Variants in DCBLD2 observed in about 807,000 individuals in gnomAD.
DCBLD2 encodes the protein discoidin, CUB and LCCL domain-containing protein 2.
In DCBLD2, 54 loss-of-function variants were observed where a neutral mutation model predicts 86.8. The ratio of observed to expected loss-of-function variants is 0.62; its 90% confidence interval spans 0.50 to 0.78. The LOEUF (loss-of-function observed/expected upper bound fraction) is 0.78, where lower values mean the gene tolerates loss of function less well. Ranked by LOEUF, DCBLD2 falls within the 30% of genes least tolerant of loss-of-function variation. The pLI is 0.00. For synonymous variants in DCBLD2, 354 were observed against 341.3 expected (o/e 1.04, Z -0.41); for missense variants, 908 against 954.2 (o/e 0.95, Z 0.64).
intron 1 of DCBLD2, among the ~76,000 whole-genome samples, chr3:98,895,833 A>C (rs1197402538): frequency 1.3e-5 from 2 of 152,092 alleles, no homozygotes; most frequent in African/African-American, 2.4e-5. Flanking sequence ...ACAATGTTTT[A>C]CTCTTCTCTG....
At chr3:98,867,817 T>G (rs1417121552) in intron 2 of DCBLD2, among the ~76,000 whole-genome samples, 1 of 151,950 alleles carries the variant, frequency 6.6e-6, no homozygotes, top group Non-Finnish European at 1.5e-5. Flanking sequence ...GTTTTTTTTT[T>G]TTTGAGACGG....
intron 3 of DCBLD2, among the ~76,000 whole-genome samples, chr3:98,847,035 A>G (rs1942739231): frequency 6.6e-6 from 1 of 152,212 alleles, no homozygotes; most frequent in African/African-American, 2.4e-5. Context: ...CCTCTCACCT[A>G]TCAACCCAAG....
At chr3:98,865,366 T>G (rs147341223) in intron 2 of DCBLD2, among the ~76,000 whole-genome samples, 10 of 151,918 alleles carry the variant, frequency 6.6e-5, no homozygotes, top group African/African-American at 2.2e-4. Flanking sequence ...AAGCAAGGCA[T>G]AGAAAGACAA....
chr3:98,800,831 CA>C, intron 14 of DCBLD2, 115 bp from the exon 15 acceptor site: 3 of 1,364,354 alleles, frequency 2.2e-6, no homozygotes, highest in Non-Finnish European at 3.0e-6. Flanking sequence ...AATATCTCTA[CA>C]AACTTGCCTT....
chr3:98,822,629 G>C (rs1202342610), intron 5 of DCBLD2, 40 bp downstream of exon 5: 1 of 1,519,446 alleles, frequency 6.6e-7, no homozygotes, highest in Non-Finnish European at 8.9e-7. Flanking sequence ...AAAAAATAGA[G>C]TTATATCACA....
At chr3:98,821,838 G>T (rs1559774037) in intron 6 of DCBLD2, among the ~76,000 whole-genome samples, 2 of 152,052 alleles carry the variant, frequency 1.3e-5, no homozygotes, top group South Asian at 4.1e-4. Flanking sequence ...ACGAGGTCAG[G>T]AGTTCGAGAG....
intron 2 of DCBLD2, among the ~76,000 whole-genome samples, chr3:98,865,453 G>C (rs766602384): frequency 1.3e-5 from 2 of 152,144 alleles, no homozygotes; most frequent in Admixed American, 6.6e-5. Context: ...CGGGTTGAAG[G>C]GGGAGTTGGA....
intron 2 of DCBLD2, among the ~76,000 whole-genome samples, chr3:98,853,760 G>T (rs190175116): frequency 6.6e-6 from 1 of 152,320 alleles, no homozygotes; most frequent in East Asian, 1.9e-4. Flanking sequence ...CGAAACTTGA[G>T]AAATCTTATT....
At chr3:98,900,589 T>C (rs1042370242) in intron 1 of DCBLD2, 7 of 156,656 alleles carry the variant, frequency 4.5e-5, no homozygotes, top group Admixed American at 4.3e-4. Context: ...ACCAAGGCAG[T>C]CTAGACCACC....
intron 3 of DCBLD2, among the ~76,000 whole-genome samples, chr3:98,827,887 C>G (rs1436262943): frequency 6.6e-6 from 1 of 152,154 alleles, no homozygotes; most frequent in African/African-American, 2.4e-5. Flanking sequence ...TCATCATAAT[C>G]AAAGGAACAG....
At chr3:98,896,311 G>C (rs1423458530) in intron 1 of DCBLD2, among the ~76,000 whole-genome samples, 1 of 152,102 alleles carries the variant, frequency 6.6e-6, no homozygotes, top group Non-Finnish European at 1.5e-5. Flanking sequence ...TGAAAAATTA[G>C]CCTGATATTT....
chr3:98,880,868 C>T (rs1446450276), intron 2 of DCBLD2, among the ~76,000 whole-genome samples: 1 of 152,104 alleles, frequency 6.6e-6, no homozygotes, highest in African/African-American at 2.4e-5. Context: ...TTTTAATCAC[C>T]ATGCTATACT....
intron 4 of DCBLD2, among the ~76,000 whole-genome samples, chr3:98,824,549 C>T (rs1341850113): frequency 2.6e-5 from 4 of 151,932 alleles, no homozygotes; most frequent in Non-Finnish European, 5.9e-5. Flanking sequence ...GTAGTAAGTT[C>T]GGAAAAGTTA....
chr3:98,858,885 C>T (rs1942986492), intron 2 of DCBLD2, among the ~76,000 whole-genome samples: 1 of 152,176 alleles, frequency 6.6e-6, no homozygotes, highest in South Asian at 2.1e-4. Context: ...GTGAGCGACG[C>T]AGAAGATGGG....
chr3:98,879,394 T>C (rs528975256), intron 2 of DCBLD2, among the ~76,000 whole-genome samples: 191 of 152,294 alleles, frequency 1.3e-3, no homozygotes, highest in Non-Finnish European at 2.0e-3. Flanking sequence ...ATAATCTTTT[T>C]TTCTTTTTTT....
chr3:98,803,135 G>A (rs1941761506), intron 13 of DCBLD2, among the ~76,000 whole-genome samples: 1 of 152,118 alleles, frequency 6.6e-6, no homozygotes. Flanking sequence ...AAATTACCTT[G>A]GGCAGTATGG....
At chr3:98,881,437 A>T in intron 2 of DCBLD2, 103 bp downstream of exon 2, 1 of 1,034,268 alleles carries the variant, frequency 9.7e-7, no homozygotes, top group South Asian at 1.5e-5. Context: ...ATAATTTCCC[A>T]CATAGCACCT....
At chr3:98,816,679 G>A (rs1486737385) in intron 9 of DCBLD2, among the ~76,000 whole-genome samples, 1 of 152,088 alleles carries the variant, frequency 6.6e-6, no homozygotes, top group Non-Finnish European at 1.5e-5. Flanking sequence ...GAGAAAAGTA[G>A]TAATTGAAGA....
In DCBLD2 at chr3:98,807,293, T is replaced by G. The variant is rs369293356; in HGVS notation, c.1670+788A>C. ...GCTATGGTCTGAATATTTGCATCTC[T>G]CCAAAATTCATATGTTGAAATCCTA... On this transcript the variant is annotated intron_variant, in intron 13 of 15. Transcript: ENST00000326840. Among the ~76,000 whole-genome samples, 33 of 152,284 alleles carry G rather than the reference T, an allele frequency of 2.2e-4. No individual in the cohort carries two copies. The South Asian group carries it at 6.2e-3, about 29-fold the overall frequency.
Sources: gnomAD v4.1 joint callset for allele counts (sites outside exome capture counted in the v4.1 genomes callset) on GRCh38, gnomAD v4.1.1 for gene constraint, MANE v1.5 for transcripts, NCBI Gene and HGNC (gene_info 2026-07-23, HGNC 2026-07-21) for gene names.